Variants in JADE3 observed in about 807,000 individuals in gnomAD.
The protein encoded by JADE3 is jade family PHD finger 3, also known as protein Jade-3.
Under a neutral mutation model 50.1 loss-of-function variants are expected in JADE3, and 2 were observed. That is an observed-to-expected ratio of 0.04 (90% CI 0.02 to 0.13). The LOEUF (loss-of-function observed/expected upper bound fraction) is 0.13. Ranked by LOEUF, JADE3 falls within the 10% of genes least tolerant of loss-of-function variation. The probability of loss-of-function intolerance (pLI) is 1.00; values close to 1 mark genes in which losing one functional copy is unlikely to be tolerated. For missense variants in JADE3, 475 were observed against 634.4 expected (o/e 0.75, Z 2.70); for synonymous variants, 218 against 232.9 (o/e 0.94, Z 0.58).
chrX:46,957,660 C>G (rs1927165148), intron 1 of JADE3, among the ~76,000 whole-genome samples: 1 of 112,267 alleles, frequency 8.9e-6, no homozygotes, highest in Admixed American at 9.4e-5. Context: ...CCTACCAACT[C>G]ACTTTAAATA....
chrX:46,916,618 C>G (rs1044372967), intron 1 of JADE3, among the ~76,000 whole-genome samples: 1 of 112,321 alleles, frequency 8.9e-6, no homozygotes, highest in Admixed American at 9.4e-5. Context: ...CTATGCCAAA[C>G]TTTAATACTG....
Position 46,985,714 on chromosome X carries a change from T to G in JADE3, c.48T>G (p.Ser16Arg). 1 of 1,176,358 alleles carries G rather than the reference T, an allele frequency of 8.5e-7. No individual in the cohort carries two copies. Among genetic ancestry groups the G allele is most frequent in the Non-Finnish European group, 1.2e-6 (1 of 864,404 alleles). The change falls in exon 3 of 11, where the codon AGT becomes AGG. Residue 16 changes from serine (S) to arginine (R), a missense_variant and splice_region_variant. Physicochemically the swap from Ser to Arg is moderately radical, Grantham distance 110 (BLOSUM62 -1). Transcript: ENST00000614628. ...PVSSSDSSDE[S>R]PSTSFTSGSM... is the part of the protein sequence containing the mutation. Reference sequence around the variant, plus strand: ...TTTTTTTCTAATTATCTTTCACAGGTCCTTCCACTTCCTTTACTTCTGGCT... The same window carrying G: ...TTTTTTTCTAATTATCTTTCACAGGGCCTTCCACTTCCTTTACTTCTGGCT...
At chrX:47,005,801 C>G (rs1302041012) in intron 4 of JADE3, among the ~76,000 whole-genome samples, 1 of 111,492 alleles carries the variant, frequency 9.0e-6, no homozygotes, top group African/African-American at 3.3e-5. Context: ...CCATGGAAGC[C>G]TAGTGGGGGG....
intron 1 of JADE3, among the ~76,000 whole-genome samples, chrX:46,976,260 C>T (rs1927625557): frequency 9.0e-6 from 1 of 111,607 alleles, no homozygotes; most frequent in African/African-American, 3.3e-5. Context: ...CCTGCATGTT[C>T]TTCCGTGGGA....
chrX:46,997,433 G>A (rs1001219664), intron 3 of JADE3, among the ~76,000 whole-genome samples: 6 of 111,882 alleles, frequency 5.4e-5, no homozygotes, highest in African/African-American at 1.6e-4. Flanking sequence ...TGGGAGGATC[G>A]CTTGAGCCTG....
chrX:47,021,969 G>A (rs868917973), intron 4 of JADE3, among the ~76,000 whole-genome samples: 2 of 111,964 alleles, frequency 1.8e-5, no homozygotes, highest in Non-Finnish European at 3.8e-5. Flanking sequence ...TATGGTTAAT[G>A]GCTTTTGTGT....
intron 4 of JADE3, among the ~76,000 whole-genome samples, chrX:47,006,459 G>GTTTT (rs61687892): frequency 1.3e-5 from 1 of 76,669 alleles, no homozygotes. Flanking sequence ...AATTTTTGTA[G>GTTTT]TTTTTTTTTT....
intron 4 of JADE3, among the ~76,000 whole-genome samples, chrX:47,011,079 A>G (rs182284349): frequency 3.6e-5 from 4 of 111,449 alleles, no homozygotes; most frequent in African/African-American, 1.3e-4. Flanking sequence ...CATAACCTTT[A>G]TTACCTACTT....
At chrX:46,926,163 G>A (rs1926361657) in intron 1 of JADE3, among the ~76,000 whole-genome samples, 1 of 106,931 alleles carries the variant, frequency 9.4e-6, no homozygotes, top group Non-Finnish European at 1.9e-5. Context: ...CCAAAGTGCT[G>A]GGATTGTAGG....
chrX:46,934,114 G>T (rs1556340386), intron 1 of JADE3, among the ~76,000 whole-genome samples: 2 of 111,204 alleles, frequency 1.8e-5, no homozygotes. Context: ...TGTCTTAATG[G>T]TGTCATTCAC....
Position 46,938,220 on chromosome X carries a change from A to G in JADE3, c.-12+25501A>G, listed in dbSNP as rs1367656932. On this transcript the variant is annotated intron_variant, in intron 1 of 10. Transcript: ENST00000614628. ...GATTGTTTTACATCTGTCGTTTTTT[A>G]TTTTTGATACCTGTTTTTATTTCCT... Among the ~76,000 whole-genome samples, 4 of 110,342 alleles carry G rather than the reference A, an allele frequency of 3.6e-5. No individual in the cohort carries two copies. In the South Asian group the frequency reaches 1.2e-3, roughly 34 times the overall value.
chrX:46,913,193 T>C (rs1926003602), intron 1 of JADE3, among the ~76,000 whole-genome samples: 1 of 111,210 alleles, frequency 9.0e-6, no homozygotes, highest in South Asian at 3.8e-4. Context: ...GGTCGGATGC[T>C]CCAGGGAGCG....
intron 4 of JADE3, among the ~76,000 whole-genome samples, chrX:47,001,998 A>C (rs974771591): frequency 9.0e-6 from 1 of 111,618 alleles, no homozygotes; most frequent in Non-Finnish European, 1.9e-5. Context: ...TAAATTTGAG[A>C]TATGAATCCA....
chrX:47,035,839 C>A (rs1339962664), intron 7 of JADE3, among the ~76,000 whole-genome samples: 3 of 111,747 alleles, frequency 2.7e-5, no homozygotes, highest in Non-Finnish European at 5.6e-5. Flanking sequence ...ATATTTCCAT[C>A]TTTTTAAAAA....
chrX:46,980,147 T>C (rs1556352653), intron 1 of JADE3, among the ~76,000 whole-genome samples: 1 of 110,839 alleles, frequency 9.0e-6, no homozygotes, highest in East Asian at 2.8e-4. Flanking sequence ...CCCAAAGTGC[T>C]GGGATTACAG....
chrX:46,987,303 C>T (rs1045355549), intron 3 of JADE3, among the ~76,000 whole-genome samples: 7 of 112,415 alleles, frequency 6.2e-5, no homozygotes, highest in African/African-American at 2.3e-4. Context: ...GAGTCTTTCC[C>T]TCCAGTCAGC....
intron 8 of JADE3, among the ~76,000 whole-genome samples, chrX:47,043,925 C>T (rs975749637): frequency 9.1e-6 from 1 of 110,420 alleles, no homozygotes; most frequent in African/African-American, 3.3e-5. Context: ...CTCTTAACAG[C>T]AGACTTAAGC....
At chrX:46,920,103 C>G (rs1469267316) in intron 1 of JADE3, among the ~76,000 whole-genome samples, 1 of 111,083 alleles carries the variant, frequency 9.0e-6, no homozygotes, top group African/African-American at 3.3e-5. Flanking sequence ...GAATTTTAAG[C>G]AATGTGAATA....
chrX:46,999,059 G>A (rs1418959753), intron 4 of JADE3, among the ~76,000 whole-genome samples: 2 of 111,003 alleles, frequency 1.8e-5, no homozygotes, highest in African/African-American at 6.6e-5. Flanking sequence ...AAGTCCAAGG[G>A]CATGGCAGCA....
Sources: allele counts gnomAD v4.1 joint callset (sites outside exome capture counted in the v4.1 genomes callset), GRCh38; gene constraint gnomAD v4.1.1; transcripts MANE v1.5; gene names NCBI Gene and HGNC (gene_info 2026-07-23, HGNC 2026-07-21).